The following CNTNAP4 variants were observed in gnomAD, a reference collection of about 807,000 sequenced individuals.
CNTNAP4 encodes the protein contactin associated protein family member 4.
In CNTNAP4, 98 loss-of-function variants were observed where a neutral mutation model predicts 148.4. That is an observed-to-expected ratio of 0.66 (90% CI 0.56 to 0.78). CNTNAP4 has a LOEUF of 0.78. CNTNAP4 is among the 30% of genes least tolerant of loss of function. The pLI, the probability that CNTNAP4 is intolerant of heterozygous loss-of-function variation, is 0.00. For synonymous variants in CNTNAP4, 730 were observed against 565.1 expected (o/e 1.29, Z -4.14); for missense variants, 1,935 against 1,565.6 (o/e 1.24, Z -3.98).
intron 4 of CNTNAP4, among the ~76,000 whole-genome samples, chr16:76,434,789 T>C (rs2145100262): frequency 6.6e-6 from 1 of 152,308 alleles, no homozygotes; most frequent in South Asian, 2.1e-4. Context: ...CTGCTAAGTA[T>C]GTCTGTGCCA....
intron 1 of CNTNAP4, among the ~76,000 whole-genome samples, chr16:76,310,314 C>G (rs1960962774): frequency 1.3e-5 from 2 of 152,236 alleles, no homozygotes; most frequent in South Asian, 4.1e-4. Flanking sequence ...GTCAAAATTT[C>G]TGAATGAAAT....
chr16:76,431,966 C>T (rs540422286), intron 4 of CNTNAP4, among the ~76,000 whole-genome samples: 1 of 152,170 alleles, frequency 6.6e-6, no homozygotes, highest in African/African-American at 2.4e-5. Flanking sequence ...GATTGGAACT[C>T]CAAGCCCTCT....
At chr16:76,288,637 A>G (rs1044314773) in intron 1 of CNTNAP4, among the ~76,000 whole-genome samples, 2 of 152,228 alleles carry the variant, frequency 1.3e-5, no homozygotes, top group African/African-American at 2.4e-5. Context: ...TGGATTTTTA[A>G]AAAGTTTCCT....
Position 76,489,451 on chromosome 16 carries a change from G to A in CNTNAP4, c.1883-235G>A, listed in dbSNP as rs149684773. 7.9e-3 allele frequency among the ~76,000 whole-genome samples: 1,205 copies of A among 152,148 alleles called. 11 individuals carry two copies. The highest frequency in any genetic ancestry group is 0.027 in the African/African-American group (1,128 of 41,494). Reference sequence around the variant, plus strand: ...TTGTGTGGCTAAATTATATGAAAATGTTAAATAAAATTACTGTAAATGCAT... The same window carrying A: ...TTGTGTGGCTAAATTATATGAAAATATTAAATAAAATTACTGTAAATGCAT... On this transcript the variant is annotated intron_variant, in intron 12 of 23. Transcript: ENST00000611870.
chr16:76,350,470 T>G (rs942479565), intron 2 of CNTNAP4, among the ~76,000 whole-genome samples: 1 of 152,222 alleles, frequency 6.6e-6, no homozygotes, highest in Admixed American at 6.5e-5. Flanking sequence ...GGATAATTTT[T>G]AGTTTGCTTT....
intron 3 of CNTNAP4, among the ~76,000 whole-genome samples, chr16:76,419,741 C>T (rs1220063959): frequency 6.6e-6 from 1 of 152,012 alleles, no homozygotes; most frequent in Non-Finnish European, 1.5e-5. Flanking sequence ...ACATTTATTA[C>T]TTATAGTTCT....
At position 76,277,542 on chromosome 16, in the gene CNTNAP4, G is replaced by C; in HGVS notation, c.-121G>C. The C allele has an allele frequency of 1.6e-6, 1 of 640,076 alleles. No individual in the cohort carries two copies. The highest frequency in any genetic ancestry group is 2.8e-6 in the Non-Finnish European group (1 of 359,246). The allele number at this position is 640,076 out of a possible 1,614,324, so 39.6% of individuals were successfully genotyped here. On this transcript the variant is annotated 5_prime_UTR_variant, in exon 1 of 24. Transcript: ENST00000611870. ...GAGGGAGGTGAGGAGGAAGGGAGGG[G>C]GAGAGACAGAGACCTAGAGGGGCTG...
rs1964051564 is a variant in CNTNAP4 at position 76,336,636 on chromosome 16, G to T, written c.197-18682G>T. Among the ~76,000 whole-genome samples the T allele has an allele frequency of 2.0e-5, 3 of 152,162 alleles. No homozygotes were observed. The South Asian group carries it at 6.2e-4, about 32-fold the overall frequency. ...CTTTAAAAAGTAAAGTTAGGAATTT[G>T]TTACTGTGTATATTCACAATGCACA... On this transcript the variant is annotated intron_variant, in intron 2 of 23. Coordinates refer to ENST00000611870, the MANE Select transcript of CNTNAP4 (RefSeq NM_033401.5).
At chr16:76,301,287 C>T (rs975309378) in intron 1 of CNTNAP4, among the ~76,000 whole-genome samples, 56 of 151,950 alleles carry the variant, frequency 3.7e-4, no homozygotes, top group African/African-American at 1.4e-3. Flanking sequence ...ATTAATAGCT[C>T]CAAGGGTTAC....
chr16:76,399,372 A>G (rs1319753610), intron 3 of CNTNAP4, among the ~76,000 whole-genome samples: 1 of 152,242 alleles, frequency 6.6e-6, no homozygotes, highest in East Asian at 1.9e-4. Flanking sequence ...GAGCTCTGCA[A>G]AGCAATAAGC....
Position 76,505,883 on chromosome 16 carries a change from G to C in CNTNAP4, c.2365+7189G>C, listed in dbSNP as rs964866497. On this transcript the variant is annotated intron_variant, in intron 15 of 23. Coordinates refer to ENST00000611870, the MANE Select transcript of CNTNAP4 (RefSeq NM_033401.5). ...CCACTGCACTACAGCCTGAGCAGCA[G>C]AGTGAGACCTTGTCTCTTACAAAAC... Among the ~76,000 whole-genome samples the C allele has an allele frequency of 7.3e-5, 7 of 96,538 alleles. 2 individuals carry two copies. The highest frequency in any genetic ancestry group is 1.3e-4 in the African/African-American group (5 of 38,590). The allele number at this position is 96,538 out of a possible 152,430, so 63.3% of individuals were successfully genotyped here. A position where few individuals can be genotyped will look rare whatever the true frequency, so the allele number is the denominator to read the frequency against.
intron 3 of CNTNAP4, among the ~76,000 whole-genome samples, chr16:76,367,930 A>G (rs1173905498): frequency 6.6e-6 from 1 of 152,162 alleles, no homozygotes; most frequent in South Asian, 2.1e-4. Flanking sequence ...TTTCCAGGTT[A>G]TGTCTGTGAT....
intron 3 of CNTNAP4, among the ~76,000 whole-genome samples, chr16:76,388,411 T>TTTTG (rs2016689134): frequency 6.6e-6 from 1 of 152,200 alleles, no homozygotes; most frequent in Admixed American, 6.5e-5. Context: ...AATGAAGTGG[T>TTTTG]TTTGAAACCT....
At chr16:76,374,832 A>G (rs35738289) in intron 3 of CNTNAP4, among the ~76,000 whole-genome samples, 100,519 of 150,844 alleles carry the variant, frequency 0.67, 34,199 homozygotes, top group East Asian at 0.89. Context: ...GCAATGGCTC[A>G]ATCTCGGCTC....
At chr16:76,526,464 A>G (rs1301997259) in intron 17 of CNTNAP4, among the ~76,000 whole-genome samples, 2 of 152,250 alleles carry the variant, frequency 1.3e-5, no homozygotes, top group East Asian at 1.9e-4. Flanking sequence ...GATGGAGGAA[A>G]TGGAGGGCAG....
intron 15 of CNTNAP4, among the ~76,000 whole-genome samples, chr16:76,502,168 T>C (rs1011074378): frequency 6.6e-6 from 1 of 152,234 alleles, no homozygotes; most frequent in African/African-American, 2.4e-5. Flanking sequence ...ATTGGTCTTC[T>C]TGCCTCCTGT....
At chr16:76,525,200 T>A (rs889401692) in intron 17 of CNTNAP4, among the ~76,000 whole-genome samples, 3 of 150,644 alleles carry the variant, frequency 2.0e-5, no homozygotes, top group Admixed American at 6.6e-5. Context: ...CTGGAGATAT[T>A]TTTTTTTTCC....
chr16:76,529,725 T>C (rs753356002), intron 17 of CNTNAP4, among the ~76,000 whole-genome samples: 3 of 152,168 alleles, frequency 2.0e-5, no homozygotes, highest in Non-Finnish European at 4.4e-5. Flanking sequence ...TTGAATTGCA[T>C]GGAATCTATA....
chr16:76,288,322 C>G (rs1197292392), intron 1 of CNTNAP4, among the ~76,000 whole-genome samples: 1 of 152,134 alleles, frequency 6.6e-6, no homozygotes, highest in East Asian at 1.9e-4. Flanking sequence ...TTGTAAATTA[C>G]TCAGTCTCAG....
Sources: gnomAD v4.1 joint callset for allele counts (sites outside exome capture counted in the v4.1 genomes callset) on GRCh38, gnomAD v4.1.1 for gene constraint, MANE v1.5 for transcripts, NCBI Gene and HGNC (gene_info 2026-07-23, HGNC 2026-07-21) for gene names.